Variants in RBFOX3 observed in about 807,000 individuals in gnomAD.
The protein encoded by RBFOX3 is RNA binding fox-1 homolog 3.
In RBFOX3, 17 loss-of-function variants were observed where a neutral mutation model predicts 48.7. The observed-to-expected ratio is 0.35, with a 90% confidence interval of 0.24 to 0.52. RBFOX3 has a LOEUF of 0.52. RBFOX3 is among the 20% of genes least tolerant of loss of function. RBFOX3 has a pLI of 0.94. For synonymous variants in RBFOX3, 212 were observed against 209.5 expected (o/e 1.01, Z -0.10); for missense variants, 382 against 497.5 (o/e 0.77, Z 2.21).
intron 2 of RBFOX3, among the ~76,000 whole-genome samples, chr17:79,332,588 C>G (rs1210992303): frequency 8.3e-6 from 1 of 120,800 alleles, no homozygotes; most frequent in Non-Finnish European, 1.8e-5. Context: ...AACATAGAAC[C>G]AGAGAGACAG....
chr17:79,351,714 T>C (rs1471783488), intron 2 of RBFOX3, among the ~76,000 whole-genome samples: 1 of 152,226 alleles, frequency 6.6e-6, no homozygotes, highest in Admixed American at 6.5e-5. Context: ...TTGTAGTTCC[T>C]GATGTATCCT....
At chr17:79,463,677 C>G (rs1361618631) in intron 2 of RBFOX3, among the ~76,000 whole-genome samples, 2 of 107,656 alleles carry the variant, frequency 1.9e-5, no homozygotes, top group East Asian at 5.0e-4. Flanking sequence ...ACCTCCACTG[C>G]CATTGCCACT....
At chr17:79,185,072 G>A (rs1379371255) in intron 4 of RBFOX3, among the ~76,000 whole-genome samples, 1 of 151,902 alleles carries the variant, frequency 6.6e-6, no homozygotes, top group African/African-American at 2.4e-5. Context: ...GCAGGCACCT[G>A]GGACCATTCT....
intron 4 of RBFOX3, among the ~76,000 whole-genome samples, chr17:79,163,045 C>T (rs904870875): frequency 1.3e-5 from 2 of 152,158 alleles, no homozygotes; most frequent in African/African-American, 2.4e-5. Flanking sequence ...AGGGTGACGG[C>T]GGGACCAAAA....
rs2062720371 is a variant in RBFOX3, at chr17:79,243,620, T to G, written c.-73-7815A>C. Among the ~76,000 whole-genome samples, 1 of 151,926 alleles carries G rather than the reference T, an allele frequency of 6.6e-6. No individual in the cohort carries two copies. Among genetic ancestry groups the G allele is most frequent in the Non-Finnish European group, 1.5e-5 (1 of 67,952 alleles). ...GGAGGGTGTGGGGAAGGTGCTGGCT[T>G]TGCATGAGCGGAACTTAGCGCACAC... On this transcript the variant is annotated intron_variant, in intron 3 of 14. Coordinates refer to ENST00000693108, the MANE Select transcript of RBFOX3 (RefSeq NM_001350451.2). This position sits in a 1 kb window ranked among gnomAD's most constrained non-coding sequence, Gnocchi z 7.9.
chr17:79,321,356 G>T (rs35747821), intron 2 of RBFOX3, among the ~76,000 whole-genome samples: 2 of 152,222 alleles, frequency 1.3e-5, no homozygotes, highest in African/African-American at 2.4e-5. Context: ...GCAGCAGGAC[G>T]TAGAGAGGCT....
intron 3 of RBFOX3, among the ~76,000 whole-genome samples, chr17:79,255,303 G>A (rs368351590): frequency 6.6e-6 from 1 of 151,582 alleles, no homozygotes; most frequent in Non-Finnish European, 1.5e-5. Context: ...CTGGGGTGAC[G>A]GTGCCGTAGA....
At chr17:79,446,753 C>A (rs1334797478) in intron 2 of RBFOX3, among the ~76,000 whole-genome samples, 1 of 150,904 alleles carries the variant, frequency 6.6e-6, no homozygotes, top group Non-Finnish European at 1.5e-5. Flanking sequence ...CAGCACACGG[C>A]CTATGGGGCA....
In RBFOX3 at chr17:79,515,478, AG is replaced by A. The variant is rs1441801968; in HGVS notation, c.-319-32881del. Reference sequence around the variant, plus strand: ...CTGAGACTTGCAGGAGCTCATCGACAGGGTTACAAGAGAACCGCAATCGGAG... The same window carrying A: ...CTGAGACTTGCAGGAGCTCATCGACAGGTTACAAGAGAACCGCAATCGGAG... On this transcript the variant is annotated intron_variant, in intron 1 of 14. Coordinates refer to ENST00000693108, the MANE Select transcript of RBFOX3 (RefSeq NM_001350451.2). Among the ~76,000 whole-genome samples the A allele has an allele frequency of 1.4e-3, 207 of 152,218 alleles. 3 individuals are homozygous for A. The highest frequency in any genetic ancestry group is 3.5e-3 in the Admixed American group (54 of 15,286).
intron 4 of RBFOX3, among the ~76,000 whole-genome samples, chr17:79,182,419 G>A (rs888566145): frequency 2.0e-5 from 3 of 152,312 alleles, no homozygotes; most frequent in African/African-American, 7.2e-5. Context: ...GGGAACTGCG[G>A]CCCACAGAGG....
At chr17:79,174,184 G>T (rs1350594071) in intron 4 of RBFOX3, among the ~76,000 whole-genome samples, 2 of 152,144 alleles carry the variant, frequency 1.3e-5, no homozygotes, top group Non-Finnish European at 2.9e-5. Flanking sequence ...TCCTGGGGCA[G>T]GGACGAAGTG....
At chr17:79,207,899 T>C (rs1261565207) in intron 4 of RBFOX3, among the ~76,000 whole-genome samples, 2 of 152,242 alleles carry the variant, frequency 1.3e-5, no homozygotes, top group Non-Finnish European at 2.9e-5. Flanking sequence ...GGAATGGTTA[T>C]TTCTTTAGCT....
chr17:79,245,720 T>C (rs111467802), intron 3 of RBFOX3, among the ~76,000 whole-genome samples: 2 of 149,820 alleles, frequency 1.3e-5, no homozygotes, highest in Non-Finnish European at 2.9e-5. Context: ...CTCCACCTCC[T>C]GGGTTCAAGC....
rs113975833 is a variant in RBFOX3 at position 79,487,343 on chromosome 17, G to A, written c.-319-4745C>T. ...CTGGCCCCGACGACCTTGGACTCAC[G>A]AGTTGCCTTTGGTCAGAAGCGTGGA... is the stretch of plus-strand genomic sequence containing the variant. On this transcript the variant is annotated intron_variant, in intron 1 of 14. Coordinates refer to ENST00000693108, the MANE Select transcript of RBFOX3 (RefSeq NM_001350451.2). 8.7e-3 allele frequency among the ~76,000 whole-genome samples: 1,330 copies of A among 152,334 alleles called. 26 individuals carry two copies. The highest frequency in any genetic ancestry group is 0.029 in the African/African-American group (1,221 of 41,566).
rs1382751253 is a variant in RBFOX3 at position 79,089,601 on chromosome 17, A to C, written c.*1282T>G. The C allele has an allele frequency of 6.6e-6, 1 of 152,534 alleles. No homozygotes were observed. The highest frequency in any genetic ancestry group is 1.5e-5 in the Non-Finnish European group (1 of 68,054). 9.4% of individuals were successfully genotyped at this position (152,534 alleles called of 1,614,324 possible). A position where few individuals can be genotyped will look rare whatever the true frequency, so the allele number is the denominator to read the frequency against. ...ATGTACAACGGGAATAGAAAAGGAG[A>C]ATTCCATTTCAATAGCTGATGCTGA... is the stretch of plus-strand genomic sequence containing the variant. On this transcript the variant is annotated 3_prime_UTR_variant, in exon 15 of 15. Coordinates refer to ENST00000693108, the MANE Select transcript of RBFOX3 (RefSeq NM_001350451.2).
chr17:79,499,892 C>T (rs2082151973), intron 1 of RBFOX3, among the ~76,000 whole-genome samples: 2 of 152,234 alleles, frequency 1.3e-5, no homozygotes, highest in Non-Finnish European at 2.9e-5. Flanking sequence ...TTCTTTCCTA[C>T]TTCATGCCCT....
the RBFOX3 span, among the ~76,000 whole-genome samples, chr17:79,654,412 C>T: frequency 1.2e-3 from 184 of 152,312 alleles, 1 homozygote; most frequent in African/African-American, 4.4e-3. Context: ...CCAGACACAC[C>T]TAAGCAAATG....
chr17:79,405,013 T>A (rs1217497225), intron 2 of RBFOX3, among the ~76,000 whole-genome samples: 1 of 152,192 alleles, frequency 6.6e-6, no homozygotes, highest in East Asian at 1.9e-4. Flanking sequence ...CACGGCAGGA[T>A]GCTGGGACTC....
rs1166882750 is a variant in RBFOX3, at chr17:79,138,998, T to C, written c.-33-23250A>G. Among the ~76,000 whole-genome samples, 68 of 55,154 alleles carry C rather than the reference T, an allele frequency of 1.2e-3. 1 individual carries two copies. The highest frequency in any genetic ancestry group is 5.2e-3 in the African/African-American group (64 of 12,424). The allele number at this position is 55,154 out of a possible 152,430, so 36.2% of individuals were successfully genotyped here. A position where few individuals can be genotyped will look rare whatever the true frequency, so the allele number is the denominator to read the frequency against. On this transcript the variant is annotated intron_variant, in intron 4 of 14. Transcript: ENST00000693108. Reference sequence around the variant, plus strand: ...ATGCGTTCACACCCCCTCACACACATGCACACAGCACATGCGTTCATGCCC... The same window carrying C: ...ATGCGTTCACACCCCCTCACACACACGCACACAGCACATGCGTTCATGCCC...
Sources: allele counts gnomAD v4.1 joint callset (sites outside exome capture counted in the v4.1 genomes callset), GRCh38; gene constraint gnomAD v4.1.1; non-coding constraint Gnocchi (gnomAD v3.1); transcripts MANE v1.5; gene names NCBI Gene and HGNC (gene_info 2026-07-23, HGNC 2026-07-21).